Variants in PCDHA1 observed in about 807,000 individuals in gnomAD.
PCDHA1 encodes the protein protocadherin alpha 1.
A neutral mutation model predicts 61.3 loss-of-function variants in PCDHA1; 42 were observed. That is an observed-to-expected ratio of 0.69 (90% confidence interval 0.54 to 0.89). The LOEUF is 0.89. Among genes scored for constraint, PCDHA1 ranks in the 40% least tolerant of loss-of-function variants. The pLI is 0.00. For synonymous variants in PCDHA1, 610 were observed against 553.8 expected, an observed-to-expected ratio of 1.10 and a Z score of -1.43; for missense variants, 1,256 against 1,235.3, an observed-to-expected ratio of 1.02 and a Z score of -0.25.
intron 3 of PCDHA1, among the ~76,000 whole-genome samples, chr5:140,993,250 T>G (rs1554253518): frequency 6.6e-6 from 1 of 152,154 alleles, no homozygotes; most frequent in East Asian, 1.9e-4. Context: ...GGGATTTAGA[T>G]ATATAAATTA....
intron 1 of PCDHA1, among the ~76,000 whole-genome samples, chr5:140,890,952 G>C (rs555852578): frequency 1.9e-4 from 29 of 152,236 alleles, no homozygotes; most frequent in African/African-American, 7.0e-4. Context: ...GGTGAGGAAT[G>C]ATTTCAGGTT....
At chr5:140,929,050 C>T (rs946542782) in intron 1 of PCDHA1, 11 of 1,614,026 alleles carry the variant, frequency 6.8e-6, no homozygotes, top group African/African-American at 5.3e-5. Flanking sequence ...GAGCTGCTGT[C>T]GCTCTACAGA....
intron 1 of PCDHA1, chr5:140,927,024 G>A (rs1554203920): frequency 6.2e-7 from 1 of 1,612,408 alleles, no homozygotes. Flanking sequence ...CGGACTTGAG[G>A]CTGCCAGCGG....
At position 140,999,690 on chromosome 5, in the gene PCDHA1, G is replaced by A. The variant is rs113599808; in HGVS notation, c.2543-9937G>A. Among the ~76,000 whole-genome samples the A allele has an allele frequency of 6.4e-3, 977 of 152,230 alleles. 14 individuals are homozygous for A. Among genetic ancestry groups the A allele is most frequent in the African/African-American group, 0.023 (950 of 41,554 alleles). Reference sequence around the variant, plus strand: ...CGGGGGGCTCACAGAAAGAAGAAATGTGATTTTTTTTTAGCTAACTACGGA... The same window carrying A: ...CGGGGGGCTCACAGAAAGAAGAAATATGATTTTTTTTTAGCTAACTACGGA... On this transcript the variant is annotated intron_variant, in intron 3 of 3. Coordinates refer to ENST00000504120, the MANE Select transcript of PCDHA1 (RefSeq NM_018900.4).
intron 1 of PCDHA1, chr5:140,825,909 C>T (rs1316504738): frequency 6.6e-6 from 1 of 152,370 alleles, no homozygotes; most frequent in Non-Finnish European, 1.5e-5. Flanking sequence ...TTTGAGACTA[C>T]GCTAGACAGG....
chr5:140,827,933 T>C, intron 1 of PCDHA1: 2 of 1,081,166 alleles, frequency 1.8e-6, no homozygotes, highest in Non-Finnish European at 2.7e-6. Flanking sequence ...CATGAAGTTA[T>C]AGCTAGCCAA....
intron 1 of PCDHA1, among the ~76,000 whole-genome samples, chr5:140,911,737 G>A (rs187858302): frequency 3.4e-4 from 51 of 152,238 alleles, no homozygotes; most frequent in African/African-American, 9.9e-4. Flanking sequence ...TTCGTGCCAA[G>A]GACTATCAGT....
intron 1 of PCDHA1, among the ~76,000 whole-genome samples, chr5:140,826,082 A>G (rs1419827352): frequency 1.3e-5 from 2 of 152,204 alleles, no homozygotes; most frequent in Non-Finnish European, 2.9e-5. Context: ...ATTCAATTTT[A>G]TAAGTACCCT....
chr5:140,843,571 C>T lies in PCDHA1; in HGVS notation c.2394+54887C>T, dbSNP rs1230037847. ...CCAGTGCGGTGGGGAGCTGGTCATA[C>T]TCGCAACAACAGCCGCAGAGGGTGT... On this transcript the variant is annotated intron_variant, in intron 1 of 3. Transcript: ENST00000504120. The T allele has an allele frequency of 3.8e-6, 6 of 1,595,858 alleles. 1 individual carries two copies. In the African/African-American group the frequency reaches 8.1e-5, roughly 21 times the overall value.
intron 1 of PCDHA1, chr5:140,803,462 G>T (rs782807269): frequency 6.2e-7 from 1 of 1,614,250 alleles, no homozygotes; most frequent in Non-Finnish European, 8.5e-7. Flanking sequence ...AGCAGAGGCA[G>T]CAGAGGGTGT....
intron 1 of PCDHA1, among the ~76,000 whole-genome samples, chr5:140,879,151 T>C (rs1409921025): frequency 6.6e-6 from 1 of 152,216 alleles, no homozygotes; most frequent in Non-Finnish European, 1.5e-5. Flanking sequence ...GCAGGAAAGC[T>C]ATTTCTTTTT....
chr5:141,011,435 T>C lies in PCDHA1; in HGVS notation c.*1498T>C, dbSNP rs781837801. ...TGTGAATGTTAATGCAACTATTACC[T>C]AGAGTGAACTTTAAGCTTTATTGTT... On this transcript the variant is annotated 3_prime_UTR_variant, in exon 4 of 4. Coordinates refer to ENST00000504120, the MANE Select transcript of PCDHA1 (RefSeq NM_018900.4). 3 of 153,818 alleles carry C rather than the reference T, an allele frequency of 2.0e-5. No individual in the cohort carries two copies. The highest frequency in any genetic ancestry group is 4.4e-5 in the Non-Finnish European group (3 of 68,050). The allele number at this position is 153,818 out of a possible 1,614,324, so 9.5% of individuals were successfully genotyped here.
chr5:140,834,196 A>T, intron 1 of PCDHA1: 1 of 595,792 alleles, frequency 1.7e-6, no homozygotes, highest in Non-Finnish European at 2.9e-6. Flanking sequence ...GTCGCTCTTT[A>T]CCGCAAATTC....
chr5:140,927,811 G>A, intron 1 of PCDHA1: 1 of 1,614,186 alleles, frequency 6.2e-7, no homozygotes, highest in Non-Finnish European at 8.5e-7. Context: ...AACGCTCTTG[G>A]AGGCATACAT....
intron 3 of PCDHA1, among the ~76,000 whole-genome samples, chr5:141,003,132 C>G (rs1391034413): frequency 6.6e-6 from 1 of 152,208 alleles, no homozygotes; most frequent in African/African-American, 2.4e-5. Flanking sequence ...CTGGCATTTG[C>G]CTTGGCAAAG....
intron 1 of PCDHA1, chr5:140,842,837 A>G: frequency 6.3e-7 from 1 of 1,593,660 alleles, no homozygotes; most frequent in South Asian, 1.1e-5. Context: ...CTCGCTGTCG[A>G]GCTACATTTC....
At chr5:140,788,766 A>C in intron 1 of PCDHA1, 82 bp downstream of exon 1, 1 of 1,458,586 alleles carries the variant, frequency 6.9e-7, no homozygotes, top group Non-Finnish European at 9.1e-7. Flanking sequence ...TCACTTTAAA[A>C]AATGTCTTCA....
chr5:140,920,974 A>G (rs77459262), intron 1 of PCDHA1, among the ~76,000 whole-genome samples: 17,697 of 151,984 alleles, frequency 0.12, 1,149 homozygotes, highest in Middle Eastern at 0.19. Context: ...CTAGAGTATA[A>G]TATTGTATTT....
At position 140,856,679 on chromosome 5, in the gene PCDHA1, T is replaced by C. The variant is rs781823964; in HGVS notation, c.2394+67995T>C. 1.0e-4 allele frequency: 165 copies of C among 1,597,704 alleles called. 10 individuals are homozygous for C. Among genetic ancestry groups the C allele is most frequent in the Non-Finnish European group, 1.4e-4 (162 of 1,167,324 alleles). On this transcript the variant is annotated intron_variant, in intron 1 of 3. Transcript: ENST00000504120. ...AGAAAATCCTCAGCTAAAGTTGTTG[T>C]TGACAGCAACTGATGGAGGCAAACC...
Sources: allele counts gnomAD v4.1 joint callset (sites outside exome capture counted in the v4.1 genomes callset), GRCh38; gene constraint gnomAD v4.1.1; transcripts MANE v1.5; gene names NCBI Gene and HGNC (gene_info 2026-07-23, HGNC 2026-07-21).